OR14L1: variants seen among roughly 807,000 people sequenced by gnomAD.
The protein encoded by OR14L1 is olfactory receptor 14L1.
chr1:247,620,282 C>G, the OR14L1 span: 1 of 151,992 alleles, frequency 6.6e-6, no homozygotes, highest in African/African-American at 2.4e-5. Flanking sequence ...GTTGTAATTA[C>G]TCTCTCCTAC....
chr1:247,620,441 C>A, the OR14L1 span: 1 of 152,066 alleles, frequency 6.6e-6, no homozygotes, highest in Non-Finnish European at 1.5e-5. Context: ...AATTCTCCCC[C>A]CGTTCTGGAT....
At chr1:247,617,711 C>T in the OR14L1 span, among the ~76,000 whole-genome samples, 100,280 of 144,358 alleles carry the variant, frequency 0.69, 33,874 homozygotes, top group East Asian at 0.79. Flanking sequence ...TGTGTGTGTG[C>T]GTGTGTGTGT....
At chr1:247,617,496 C>T in the OR14L1 span, 1 of 152,206 alleles carries the variant, frequency 6.6e-6, no homozygotes, top group African/African-American at 2.4e-5. Flanking sequence ...ATACCATCTT[C>T]TTATCTGATT....
the OR14L1 span, chr1:247,621,930 A>T: frequency 6.6e-6 from 1 of 151,856 alleles, no homozygotes; most frequent in Admixed American, 6.6e-5. Context: ...TGTATACTAC[A>T]TTTTAAAAAT....
At chr1:247,617,328 C>T in the OR14L1 span, 1 of 152,130 alleles carries the variant, frequency 6.6e-6, no homozygotes, top group Non-Finnish European at 1.5e-5. Context: ...CTCAAAGAAA[C>T]AGAAGTTTGA....
chr1:247,620,427 T>A, the OR14L1 span: 1 of 152,176 alleles, frequency 6.6e-6, no homozygotes, highest in Non-Finnish European at 1.5e-5. Context: ...TGAAGCCAAT[T>A]TCAAATTCTC....
At chr1:247,617,951 A>G in the OR14L1 span, among the ~76,000 whole-genome samples, 1 of 152,198 alleles carries the variant, frequency 6.6e-6, no homozygotes, top group African/African-American at 2.4e-5. Context: ...GTGTCACCAC[A>G]TCATTCCTTT....
At chr1:247,619,298 T>C in the OR14L1 span, among the ~76,000 whole-genome samples, 40,870 of 152,072 alleles carry the variant, frequency 0.27, 5,993 homozygotes, top group South Asian at 0.34. Context: ...ATGGGAATAA[T>C]ACTCATTTTT....
the OR14L1 span, chr1:247,619,759 G>A: frequency 6.6e-6 from 1 of 152,116 alleles, no homozygotes; most frequent in Non-Finnish European, 1.5e-5. Flanking sequence ...AGCTGTCATA[G>A]GAAATCTCCT....
At chr1:247,621,277 T>C in the OR14L1 span, 1 of 152,200 alleles carries the variant, frequency 6.6e-6, no homozygotes, top group Non-Finnish European at 1.5e-5. Context: ...CCCAGAGTGC[T>C]TTTATGTGTA....
At chr1:247,618,277 G>T in the OR14L1 span, among the ~76,000 whole-genome samples, 8 of 152,080 alleles carry the variant, frequency 5.3e-5, no homozygotes, top group Non-Finnish European at 1.0e-4. Flanking sequence ...CAGAAGAAGA[G>T]ATTATATACA....
At chr1:247,620,690 T>C in the OR14L1 span, 1 of 152,194 alleles carries the variant, frequency 6.6e-6, no homozygotes, top group African/African-American at 2.4e-5. Flanking sequence ...TCTTTCTTGA[T>C]TTTTAAATTA....
the OR14L1 span, among the ~76,000 whole-genome samples, chr1:247,618,702 A>G: frequency 8.5e-5 from 13 of 152,174 alleles, no homozygotes; most frequent in African/African-American, 3.1e-4. Flanking sequence ...ATGTAAATAC[A>G]CATTTCCTAG....
chr1:247,619,224 A>G, the OR14L1 span, among the ~76,000 whole-genome samples: 2 of 152,190 alleles, frequency 1.3e-5, no homozygotes, highest in South Asian at 2.1e-4. Flanking sequence ...ACCACTTGCA[A>G]TGCTGTTCTT....
the OR14L1 span, chr1:247,621,891 T>G: frequency 2.0e-5 from 3 of 152,346 alleles, no homozygotes; most frequent in East Asian, 5.8e-4. Flanking sequence ...CATGTTTTTT[T>G]TCAAGGCTGA....
the OR14L1 span, chr1:247,621,864 C>T: frequency 6.6e-6 from 1 of 152,128 alleles, no homozygotes; most frequent in African/African-American, 2.4e-5. Flanking sequence ...TCCATATTGT[C>T]ACCAATGACA....
the OR14L1 span, among the ~76,000 whole-genome samples, chr1:247,618,450 A>G: frequency 6.6e-6 from 1 of 152,110 alleles, no homozygotes; most frequent in African/African-American, 2.4e-5. Flanking sequence ...ATATGGGTGA[A>G]AATCCATTTC....
the OR14L1 span, chr1:247,621,243 A>C: frequency 1.3e-5 from 2 of 152,224 alleles, no homozygotes; most frequent in African/African-American, 2.4e-5. Flanking sequence ...GGAAAGTATG[A>C]ACTGAAAGTT....
the OR14L1 span, chr1:247,620,397 A>G: frequency 3.3e-5 from 5 of 152,266 alleles, no homozygotes; most frequent in East Asian, 9.7e-4. Flanking sequence ...TCTTTATGAT[A>G]TCTGGCAGCA....
Sources: gnomAD v4.1 joint callset for allele counts (sites outside exome capture counted in the v4.1 genomes callset) on GRCh38, gnomAD v4.1.1 for gene constraint, MANE v1.5 for transcripts, NCBI Gene and HGNC (gene_info 2026-07-23, HGNC 2026-07-21) for gene names.